Variants in ATP8B1 observed in about 807,000 individuals in gnomAD.
The protein encoded by ATP8B1 is ATPase phospholipid transporting 8B1, also known as phospholipid-transporting ATPase IC.
ATP8B1 carries 80 observed loss-of-function variants against 149.9 expected under a neutral mutation model. The ratio of observed to expected loss-of-function variants is 0.53; its 90% CI spans 0.45 to 0.64. The LOEUF (loss-of-function observed/expected upper bound fraction) is 0.64, where lower values mean the gene tolerates loss of function less well. Among genes scored for constraint, ATP8B1 ranks in the 30% least tolerant of loss-of-function variants. The pLI is 0.00. For missense variants in ATP8B1, 1,247 were observed against 1,552.6 expected (o/e 0.80, Z 3.31); for synonymous variants, 536 against 562.8 (o/e 0.95, Z 0.67).
chr18:57,725,924 C>G (rs2079701330), intron 2 of ATP8B1, among the ~76,000 whole-genome samples: 1 of 152,168 alleles, frequency 6.6e-6, no homozygotes, highest in Non-Finnish European at 1.5e-5. Context: ...AACTATGAAA[C>G]TACTCCAAGA....
chr18:57,723,303 CA>C (rs1281930268), intron 2 of ATP8B1, among the ~76,000 whole-genome samples: 1 of 138,470 alleles, frequency 7.2e-6, no homozygotes, highest in Non-Finnish European at 1.5e-5. Flanking sequence ...AAGAGGAAGT[CA>C]AATTGTCTCT....
At chr18:57,737,298 T>C (rs2079867641) in intron 1 of ATP8B1, among the ~76,000 whole-genome samples, 1 of 152,130 alleles carries the variant, frequency 6.6e-6, no homozygotes, top group South Asian at 2.1e-4. Context: ...AGCTGTACCA[T>C]TGGAGAATTT....
chr18:57,704,866 C>G (rs946037648), intron 3 of ATP8B1, among the ~76,000 whole-genome samples, 198 bp from the exon 4 acceptor site: 2 of 152,096 alleles, frequency 1.3e-5, no homozygotes, highest in Non-Finnish European at 2.9e-5. Context: ...GGTGGATCAC[C>G]TGAGCCTAGG....
intron 2 of ATP8B1, among the ~76,000 whole-genome samples, chr18:57,729,770 T>C (rs319427): frequency 0.98 from 149,164 of 151,670 alleles, 73,397 homozygotes; most frequent in East Asian, 1. Context: ...TGGCTGGTCT[T>C]GAACTCCTGA....
Position 57,707,657 on chromosome 18 carries a change from T to C in ATP8B1, c.182-1070A>G, listed in dbSNP as rs909218720. On this transcript the variant is annotated intron_variant, in intron 2 of 27. Coordinates refer to ENST00000648908, the MANE Select transcript of ATP8B1 (RefSeq NM_001374385.1). ...CTGAGTAGCTGGGATTACAGGTGCC[T>C]GCCACCACACCCGGCTAATTTTTGT... Among the ~76,000 whole-genome samples the C allele has an allele frequency of 1.1e-4, 17 of 151,566 alleles. No individual in the cohort carries two copies. The East Asian group carries it at 1.8e-3, about 16-fold the overall frequency.
intron 19 of ATP8B1, 138 bp from the exon 20 acceptor site, chr18:57,667,305 CCT>C: frequency 1.4e-6 from 1 of 699,292 alleles, no homozygotes; most frequent in South Asian, 1.6e-5. Flanking sequence ...ACAGCCTCAA[CCT>C]CCAGGATTCA....
At chr18:57,659,271 G>A (rs1020990746) in intron 22 of ATP8B1, among the ~76,000 whole-genome samples, 12 of 149,290 alleles carry the variant, frequency 8.0e-5, no homozygotes, top group African/African-American at 2.7e-4. Flanking sequence ...GGGAGACCTT[G>A]TTTTTTTTTT....
chr18:57,660,961 G>A (rs1910352932), intron 22 of ATP8B1, among the ~76,000 whole-genome samples: 1 of 152,178 alleles, frequency 6.6e-6, no homozygotes, highest in African/African-American at 2.4e-5. Flanking sequence ...TCCTTCAGAA[G>A]CCCTGTCAGT....
chr18:57,708,835 A>C (rs1913550053), intron 2 of ATP8B1, among the ~76,000 whole-genome samples: 1 of 152,208 alleles, frequency 6.6e-6, no homozygotes, highest in South Asian at 2.1e-4. Context: ...TTAAGCCACC[A>C]GCTGGTGGTG....
chr18:57,701,834 T>G (rs1430945684), intron 4 of ATP8B1, among the ~76,000 whole-genome samples: 1 of 152,058 alleles, frequency 6.6e-6, no homozygotes, highest in East Asian at 1.9e-4. Context: ...TAGCTGGGAT[T>G]ACAGGTGTGT....
At chr18:57,731,407 T>A in intron 2 of ATP8B1, 1 of 452,238 alleles carries the variant, frequency 2.2e-6, no homozygotes, top group Non-Finnish European at 4.1e-6. Flanking sequence ...ATGTATTTTC[T>A]CTGCAGAACT....
intron 17 of ATP8B1, among the ~76,000 whole-genome samples, chr18:57,670,746 G>A (rs922158958): frequency 3.9e-5 from 6 of 151,960 alleles, no homozygotes; most frequent in African/African-American, 1.5e-4. Flanking sequence ...TGCTCTTGTC[G>A]CCCAGGCTGG....
chr18:57,653,282 C>CTTTTTTTTTTTTTT (rs199543849), intron 24 of ATP8B1, among the ~76,000 whole-genome samples: 3 of 114,468 alleles, frequency 2.6e-5, no homozygotes, highest in Non-Finnish European at 5.4e-5. Flanking sequence ...CTTTTCTTTT[C>CTTTTTTTTTTTTTT]TTTTTTTTTT....
At chr18:57,697,153 C>T (rs961055125) in intron 8 of ATP8B1, among the ~76,000 whole-genome samples, 1 of 152,038 alleles carries the variant, frequency 6.6e-6, no homozygotes, top group Non-Finnish European at 1.5e-5. Flanking sequence ...CTCAGTTACT[C>T]AAGAGGCTGA....
intron 2 of ATP8B1, among the ~76,000 whole-genome samples, chr18:57,721,276 T>G (rs1057370967): frequency 1.5e-4 from 22 of 148,142 alleles, no homozygotes; most frequent in Admixed American, 6.8e-4. Context: ...TGGACTAAAT[T>G]CTCCAATTAA....
In ATP8B1 at chr18:57,731,789, A is replaced by T. The variant is rs2079768520; in HGVS notation, c.19T>A (p.Ser7Thr). 1 of 1,614,052 alleles carries T rather than the reference A, an allele frequency of 6.2e-7. No homozygotes were observed. Among genetic ancestry groups the T allele is most frequent in the Non-Finnish European group, 8.5e-7 (1 of 1,180,002 alleles). ...GAATCCTCGTCAAATGTCGTTTCTG[A>T]GTCTCTTTCTGTACTCATTCTGCTG... Reference protein sequence around the residue: MSTERDSETTFDEDSQP... With the variant: MSTERDTETTFDEDSQP... Residue 7 changes from serine (S) to threonine (T), a missense_variant, in exon 2 of 28, where the codon TCA becomes ACA. Coordinates refer to ENST00000648908, the MANE Select transcript of ATP8B1 (RefSeq NM_001374385.1).
chr18:57,647,588 C>A lies in ATP8B1; in HGVS notation c.*900G>T, dbSNP rs4940950. ...TCTGGGAAATTATGCTGAAGATCAC[C>A]GAAAGGAAAATGTAACTGTAATTTT... On this transcript the variant is annotated 3_prime_UTR_variant, in exon 28 of 28. Coordinates refer to ENST00000648908, the MANE Select transcript of ATP8B1 (RefSeq NM_001374385.1). 0.46 allele frequency: 70,152 copies of A among 152,300 alleles called. 16,519 individuals are homozygous for A. The highest frequency in any genetic ancestry group is 0.52 in the East Asian group (2,679 of 5,164). The allele number at this position is 152,300 out of a possible 1,614,324, so 9.4% of individuals were successfully genotyped here.
At chr18:57,698,190 C>CT (rs1912923198) in intron 6 of ATP8B1, among the ~76,000 whole-genome samples, 1 of 152,194 alleles carries the variant, frequency 6.6e-6, no homozygotes, top group Non-Finnish European at 1.5e-5. Flanking sequence ...TGCCTCCCTG[C>CT]TGTGTTCCTT....
intron 2 of ATP8B1, among the ~76,000 whole-genome samples, chr18:57,726,134 A>C (rs1205112295): frequency 6.6e-6 from 1 of 152,178 alleles, no homozygotes; most frequent in Non-Finnish European, 1.5e-5. Flanking sequence ...AGGCTGAGGC[A>C]AGGGAATTGC....
Sources: allele counts gnomAD v4.1 joint callset (sites outside exome capture counted in the v4.1 genomes callset), GRCh38; gene constraint gnomAD v4.1.1; transcripts MANE v1.5; gene names NCBI Gene and HGNC (gene_info 2026-07-23, HGNC 2026-07-21).